Variants in ATP8A1 observed in about 807,000 individuals in gnomAD.
The protein encoded by ATP8A1 is phospholipid-transporting ATPase IA.
ATP8A1 carries 90 observed loss-of-function variants against 177.7 expected under a neutral mutation model. The observed-to-expected ratio is 0.51, with a 90% CI of 0.43 to 0.60. ATP8A1 has a LOEUF of 0.60. Among genes scored for constraint, ATP8A1 ranks in the 20% least tolerant of loss-of-function variants. The probability of loss-of-function intolerance (pLI) is 0.00; values close to 1 mark genes in which losing one functional copy is unlikely to be tolerated. For missense variants in ATP8A1, 1,072 were observed against 1,392.8 expected, an observed-to-expected ratio of 0.77 and a Z score of 3.67; for synonymous variants, 493 against 485.9, an observed-to-expected ratio of 1.01 and a Z score of -0.19.
At chr4:42,478,271 A>C (rs1180361588) in intron 25 of ATP8A1, among the ~76,000 whole-genome samples, 3 of 151,918 alleles carry the variant, frequency 2.0e-5, no homozygotes, top group East Asian at 1.9e-4. Context: ...TAGGAGGATC[A>C]CTTGAGTCTG....
At chr4:42,627,642 A>T (rs1428850004) in intron 1 of ATP8A1, among the ~76,000 whole-genome samples, 1 of 152,210 alleles carries the variant, frequency 6.6e-6, no homozygotes, top group Non-Finnish European at 1.5e-5. Flanking sequence ...TCACAAACGA[A>T]CTTTAAATTT....
At chr4:42,620,716 ATCT>A (rs1267213544) in intron 4 of ATP8A1, among the ~76,000 whole-genome samples, 2 of 152,220 alleles carry the variant, frequency 1.3e-5, no homozygotes, top group African/African-American at 4.8e-5. Flanking sequence ...GATCAATAAC[ATCT>A]TCAAGGGTTG....
At chr4:42,612,927 GA>G (rs1261788510) in intron 5 of ATP8A1, among the ~76,000 whole-genome samples, 14 of 151,992 alleles carry the variant, frequency 9.2e-5, no homozygotes, top group Non-Finnish European at 1.5e-4. Context: ...ATTTGATTGA[GA>G]AAAAAATGTC....
intron 33 of ATP8A1, among the ~76,000 whole-genome samples, chr4:42,427,900 C>T (rs138572735): frequency 6.6e-6 from 1 of 152,316 alleles, no homozygotes; most frequent in African/African-American, 2.4e-5. Context: ...TCCCCTACAT[C>T]CTTCTTACAA....
chr4:42,504,192 T>C (rs1049393628), intron 23 of ATP8A1, among the ~76,000 whole-genome samples: 4 of 152,224 alleles, frequency 2.6e-5, no homozygotes, highest in African/African-American at 9.7e-5. Context: ...TCATGTATCA[T>C]CTAAATGTTG....
At chr4:42,552,819 A>C (rs762401790) in intron 16 of ATP8A1, among the ~76,000 whole-genome samples, 3 of 152,154 alleles carry the variant, frequency 2.0e-5, no homozygotes, top group Non-Finnish European at 2.9e-5. Context: ...TCTCTACTGA[A>C]AATACAAAAT....
At chr4:42,590,978 C>T (rs138904361) in intron 6 of ATP8A1, 94 bp from the exon 7 acceptor site, 22 of 1,129,356 alleles carry the variant, frequency 1.9e-5, no homozygotes, top group Middle Eastern at 2.0e-4. Flanking sequence ...ACAGAAAGTT[C>T]GAAATTATTA....
chr4:42,484,825 A>C (rs1722031002), intron 25 of ATP8A1, among the ~76,000 whole-genome samples: 1 of 152,240 alleles, frequency 6.6e-6, no homozygotes, highest in Non-Finnish European at 1.5e-5. Flanking sequence ...CTTAGTTTTC[A>C]TGGTGATCAC....
At chr4:42,554,422 G>GCTT (rs765571776) in intron 16 of ATP8A1, among the ~76,000 whole-genome samples, 35 of 152,196 alleles carry the variant, frequency 2.3e-4, no homozygotes, top group Non-Finnish European at 3.5e-4. Flanking sequence ...TTTACTGAAA[G>GCTT]CTGAGAATCC....
intron 9 of ATP8A1, among the ~76,000 whole-genome samples, 171 bp from the exon 10 acceptor site, chr4:42,581,903 G>A (rs1194021381): frequency 6.6e-6 from 1 of 152,136 alleles, no homozygotes; most frequent in Non-Finnish European, 1.5e-5. Flanking sequence ...AACGACACAA[G>A]TATTTACATT....
chr4:42,540,540 A>G (rs1728277920), intron 20 of ATP8A1, among the ~76,000 whole-genome samples: 1 of 140,728 alleles, frequency 7.1e-6, no homozygotes, highest in African/African-American at 2.7e-5. Flanking sequence ...GTGTCCATCA[A>G]CAGACCAATA....
At chr4:42,448,796 A>C (rs1717590278) in intron 30 of ATP8A1, among the ~76,000 whole-genome samples, 1 of 144,784 alleles carries the variant, frequency 6.9e-6, no homozygotes, top group Non-Finnish European at 1.5e-5. Flanking sequence ...ACTTTATTGC[A>C]TTAAAATCCA....
intron 34 of ATP8A1, 49 bp downstream of exon 34, chr4:42,423,568 G>A (rs572561396): frequency 1.5e-6 from 2 of 1,290,510 alleles, no homozygotes; most frequent in Non-Finnish European, 2.2e-6. Flanking sequence ...GAAATCTGAG[G>A]ATGAATATGC....
chr4:42,539,467 T>C (rs1475981431), intron 20 of ATP8A1, among the ~76,000 whole-genome samples: 1 of 143,084 alleles, frequency 7.0e-6, no homozygotes, highest in African/African-American at 2.6e-5. Context: ...AAAATTCATA[T>C]GGAATCAAAA....
In ATP8A1 at chr4:42,625,721, A is replaced by G; in HGVS notation, c.165-8T>C. ...ATGTTGTATTTTGCAGTGCTAGAAA[A>G]CAAAAATGAAAAGTAGCATAAAACT... On this transcript the variant is annotated splice_polypyrimidine_tract_variant and splice_region_variant and intron_variant, in intron 2 of 36. Transcript: ENST00000381668. 6.4e-7 allele frequency: 1 copy of G among 1,551,676 alleles called. No individual in the cohort carries two copies. The highest frequency in any genetic ancestry group is 8.8e-7 in the Non-Finnish European group (1 of 1,135,998).
At chr4:42,589,052 C>G (rs981114163) in intron 7 of ATP8A1, among the ~76,000 whole-genome samples, 1 of 152,128 alleles carries the variant, frequency 6.6e-6, no homozygotes, top group Non-Finnish European at 1.5e-5. Context: ...GGTTCCCCAC[C>G]AGTGTGTCTT....
rs556539550 is a variant in ATP8A1, at chr4:42,588,379, A to C, written c.525-50T>G. 6 of 1,466,200 alleles carry C rather than the reference A, an allele frequency of 4.1e-6. No individual in the cohort carries two copies. The South Asian group carries it at 4.6e-5, about 11-fold the overall frequency. 90.8% of individuals were successfully genotyped at this position (1,466,200 alleles called of 1,614,324 possible). A position where few individuals can be genotyped will look rare whatever the true frequency, so the allele number is the denominator to read the frequency against. On this transcript the variant is annotated intron_variant, in intron 7 of 36. Transcript: ENST00000381668. Reference sequence around the variant, plus strand: ...AAAGATTTAGTGCGGGAAGAAAAGCATAATAATAACTTATTTAAATGCTCA... The same window carrying C: ...AAAGATTTAGTGCGGGAAGAAAAGCCTAATAATAACTTATTTAAATGCTCA...
chr4:42,528,225 C>T (rs146568422), intron 20 of ATP8A1, among the ~76,000 whole-genome samples: 27 of 152,268 alleles, frequency 1.8e-4, no homozygotes, highest in African/African-American at 5.5e-4. Flanking sequence ...TAGCAACTGG[C>T]AGGATCCCCA....
intron 1 of ATP8A1, among the ~76,000 whole-genome samples, chr4:42,630,527 T>C (rs1738622013): frequency 6.6e-6 from 1 of 152,190 alleles, no homozygotes; most frequent in African/African-American, 2.4e-5. Context: ...AAGCCTTCTT[T>C]GTCTGTAAAG....
Sources: gnomAD v4.1 joint callset for allele counts (sites outside exome capture counted in the v4.1 genomes callset) on GRCh38, gnomAD v4.1.1 for gene constraint, MANE v1.5 for transcripts, NCBI Gene and HGNC (gene_info 2026-07-23, HGNC 2026-07-21) for gene names.